CCDC171: variants seen among roughly 807,000 people sequenced by gnomAD.
The protein encoded by CCDC171 is coiled-coil domain-containing protein 171.
In CCDC171, 177 loss-of-function variants were observed where a neutral mutation model predicts 168.2. The observed-to-expected ratio is 1.05, with a 90% CI of 0.93 to 1.19. CCDC171 has a LOEUF of 1.19. Among genes scored for constraint, CCDC171 ranks in the 50% most tolerant of loss-of-function variants. The pLI, the probability that CCDC171 is intolerant of heterozygous loss-of-function variation, is 0.00. For missense variants in CCDC171, 1,991 were observed against 1,539.0 expected (o/e 1.29, Z -4.91); for synonymous variants, 687 against 540.8 (o/e 1.27, Z -3.75).
chr9:15,761,363 A>T (rs1304889784), intron 18 of CCDC171, among the ~76,000 whole-genome samples: 1 of 152,192 alleles, frequency 6.6e-6, no homozygotes, highest in Non-Finnish European at 1.5e-5. Flanking sequence ...GTAAGAAAAG[A>T]TACTGGTATT....
intron 2 of CCDC171, among the ~76,000 whole-genome samples, chr9:15,566,695 G>C (rs1461684646): frequency 6.6e-6 from 1 of 152,188 alleles, no homozygotes; most frequent in East Asian, 1.9e-4. Flanking sequence ...CAGTTTATCA[G>C]TTCTTTTCCT....
At chr9:15,677,880 A>T (rs553397459) in intron 9 of CCDC171, among the ~76,000 whole-genome samples, 1 of 2,334 alleles carries the variant, frequency 4.3e-4, no homozygotes, top group Non-Finnish European at 1.1e-3. Context: ...TGTGTGTGTC[A>T]TATATATATA....
chr9:15,886,389 G>A (rs1488105803), intron 24 of CCDC171: 1 of 152,132 alleles, frequency 6.6e-6, no homozygotes, highest in Non-Finnish European at 1.5e-5. Flanking sequence ...AACCATTAGG[G>A]AAATGAAAAT....
chr9:15,752,195 C>T (rs145197224), intron 18 of CCDC171, among the ~76,000 whole-genome samples: 2,667 of 152,206 alleles, frequency 0.018, 95 homozygotes, highest in African/African-American at 0.061. Context: ...GAATCAAAAC[C>T]ACAACGAGTT....
intron 23 of CCDC171, among the ~76,000 whole-genome samples, chr9:15,857,787 C>A (rs1588878965): frequency 1.3e-5 from 2 of 151,852 alleles, no homozygotes; most frequent in African/African-American, 4.8e-5. Context: ...GGAAACTATC[C>A]TTTCCCCATT....
chr9:15,705,921 G>A (rs2052184080), intron 11 of CCDC171, among the ~76,000 whole-genome samples: 1 of 152,182 alleles, frequency 6.6e-6, no homozygotes, highest in Non-Finnish European at 1.5e-5. Flanking sequence ...AAGTTTTGAA[G>A]TTATAAAGGT....
chr9:15,890,621 C>G (rs1186678913), intron 24 of CCDC171, among the ~76,000 whole-genome samples: 1 of 144,688 alleles, frequency 6.9e-6, no homozygotes, highest in Non-Finnish European at 1.5e-5. Context: ...TTATTTATTC[C>G]TTCACAATGT....
intron 21 of CCDC171, among the ~76,000 whole-genome samples, chr9:15,843,869 C>T (rs967373091): frequency 2.0e-5 from 3 of 152,082 alleles, no homozygotes; most frequent in Non-Finnish European, 2.9e-5. Context: ...TGCAGGTTCC[C>T]ACTGCTTAAC....
chr9:15,639,394 A>G (rs1447304395), intron 7 of CCDC171, among the ~76,000 whole-genome samples: 1 of 152,104 alleles, frequency 6.6e-6, no homozygotes, highest in Non-Finnish European at 1.5e-5. Flanking sequence ...CAGAAAAGGT[A>G]GAGATAATTT....
intron 18 of CCDC171, among the ~76,000 whole-genome samples, chr9:15,748,128 A>C (rs2055433824): frequency 6.6e-6 from 1 of 152,184 alleles, no homozygotes; most frequent in African/African-American, 2.4e-5. Flanking sequence ...TCTGGGCCTC[A>C]ATTTTCTGAT....
intron 23 of CCDC171, among the ~76,000 whole-genome samples, chr9:15,855,815 C>A (rs1425544032): frequency 6.6e-6 from 1 of 151,796 alleles, no homozygotes; most frequent in Non-Finnish European, 1.5e-5. Context: ...AAAAATTTTG[C>A]TCTTAAATAG....
At chr9:15,847,643 A>G (rs564703051) in intron 22 of CCDC171, among the ~76,000 whole-genome samples, 1 of 152,228 alleles carries the variant, frequency 6.6e-6, no homozygotes, top group South Asian at 2.1e-4. Flanking sequence ...AGTGTTTTCT[A>G]AATTTAGAAT....
chr9:15,890,930 T>G (rs1249852143), intron 24 of CCDC171, among the ~76,000 whole-genome samples: 2 of 151,958 alleles, frequency 1.3e-5, no homozygotes, highest in Non-Finnish European at 2.9e-5. Context: ...AGAATCAGAG[T>G]GGAATCATGG....
chr9:15,695,194 T>A, intron 10 of CCDC171, 41 bp from the exon 11 acceptor site: 1 of 1,328,732 alleles, frequency 7.5e-7, no homozygotes, highest in Non-Finnish European at 1.1e-6. Context: ...GCAGCTCTTA[T>A]AATACGTGAC....
At chr9:16,066,103 T>A (rs1302687214), downstream of CCDC171, among the ~76,000 whole-genome samples, 1 of 152,096 alleles carries the variant, frequency 6.6e-6, no homozygotes, top group Non-Finnish European at 1.5e-5. Context: ...TTGAGTAGAT[T>A]TGGGGTGCAT....
chr9:15,952,787 A>T (rs1564060645), intron 25 of CCDC171, among the ~76,000 whole-genome samples: 1 of 152,188 alleles, frequency 6.6e-6, no homozygotes, highest in East Asian at 1.9e-4. Context: ...TTGACATCTT[A>T]AGAATATTAA....
the CCDC171 span, among the ~76,000 whole-genome samples, chr9:16,102,515 G>A: frequency 6.7e-6 from 1 of 150,168 alleles, no homozygotes; most frequent in Admixed American, 6.6e-5. Context: ...GGGGGCAGGG[G>A]GGAGGGTGGG....
intron 24 of CCDC171, among the ~76,000 whole-genome samples, chr9:15,900,012 A>G (rs1821409492): frequency 6.6e-6 from 1 of 152,154 alleles, no homozygotes. Context: ...TCTATGATCA[A>G]TTTTGAGTTA....
chr9:15,689,075 C>G (rs2050607707), intron 10 of CCDC171, among the ~76,000 whole-genome samples: 1 of 152,014 alleles, frequency 6.6e-6, no homozygotes, highest in Non-Finnish European at 1.5e-5. Context: ...TAGCAATGAG[C>G]ATTCCAAAAA....
Sources: allele counts gnomAD v4.1 joint callset (sites outside exome capture counted in the v4.1 genomes callset), GRCh38; gene constraint gnomAD v4.1.1; transcripts MANE v1.5; gene names NCBI Gene and HGNC (gene_info 2026-07-23, HGNC 2026-07-21).